The following AFF3 variants were observed in gnomAD, a reference collection of about 807,000 sequenced individuals.
AFF3 encodes the protein AF4/FMR2 family member 3.
AFF3 carries 32 observed loss-of-function variants against 129.7 expected under a neutral mutation model. The observed-to-expected ratio is 0.25, with a 90% CI of 0.19 to 0.33. AFF3 has a LOEUF of 0.33. AFF3 is among the 10% of genes least tolerant of loss of function. The pLI is 1.00. For synonymous variants in AFF3, 644 were observed against 635.4 expected, an observed-to-expected ratio of 1.01 and a Z score of -0.20; for missense variants, 1,373 against 1,592.0, an observed-to-expected ratio of 0.86 and a Z score of 2.34.
At chr2:99,791,470 C>T (rs1034750900) in intron 8 of AFF3, among the ~76,000 whole-genome samples, 4 of 152,228 alleles carry the variant, frequency 2.6e-5, no homozygotes, top group South Asian at 2.1e-4. Context: ...CTGTTCAGTA[C>T]GGATGCACCA....
intron 7 of AFF3, among the ~76,000 whole-genome samples, chr2:100,002,140 C>A (rs536903323): frequency 6.6e-6 from 1 of 152,218 alleles, no homozygotes; most frequent in African/African-American, 2.4e-5. Flanking sequence ...AATCAGATAG[C>A]AAACTTCAAT....
intron 4 of AFF3, among the ~76,000 whole-genome samples, chr2:100,052,752 G>A (rs534552999): frequency 1.3e-5 from 2 of 152,222 alleles, no homozygotes; most frequent in African/African-American, 4.8e-5. Context: ...ATAGAACACT[G>A]CCCAGGCCAC....
chr2:99,954,943 AAG>A (rs1334522871), intron 7 of AFF3, among the ~76,000 whole-genome samples: 2 of 152,018 alleles, frequency 1.3e-5, no homozygotes, highest in Non-Finnish European at 2.9e-5. Flanking sequence ...AAGAAAAAAA[AAG>A]AAAATATTGC....
intron 18 of AFF3, chr2:99,572,599 G>A (rs769253804): frequency 2.2e-6 from 1 of 455,728 alleles, no homozygotes; most frequent in Non-Finnish European, 4.4e-6. Context: ...GATTTTCTTA[G>A]GGAAGTTGAA....
intron 11 of AFF3, among the ~76,000 whole-genome samples, chr2:99,714,752 A>G (rs1678221134): frequency 6.6e-6 from 1 of 152,226 alleles, no homozygotes; most frequent in African/African-American, 2.4e-5. Context: ...CACTTGCATA[A>G]ATGATAGATT....
At chr2:99,975,685 T>C (rs1678805325) in intron 7 of AFF3, among the ~76,000 whole-genome samples, 1 of 151,386 alleles carries the variant, frequency 6.6e-6, no homozygotes, top group South Asian at 2.1e-4. Context: ...GAGTAACACA[T>C]GAGCTTTGAT....
chr2:100,130,004 A>C (rs1692358221), intron 1 of AFF3, among the ~76,000 whole-genome samples: 1 of 152,204 alleles, frequency 6.6e-6, no homozygotes, highest in Admixed American at 6.5e-5. Context: ...CCTGCCTCAT[A>C]GAATTCATAT....
intron 7 of AFF3, among the ~76,000 whole-genome samples, chr2:99,963,943 C>A (rs928118136): frequency 2.7e-5 from 4 of 147,776 alleles, no homozygotes; most frequent in Admixed American, 6.6e-5. Flanking sequence ...ATATACCATA[C>A]AAACAAATAA....
intron 4 of AFF3, among the ~76,000 whole-genome samples, chr2:100,012,609 C>T (rs554513130): frequency 6.6e-6 from 1 of 152,320 alleles, no homozygotes; most frequent in South Asian, 2.1e-4. Flanking sequence ...TGCCGGTGCT[C>T]ACCAGCCTGC....
intron 8 of AFF3, among the ~76,000 whole-genome samples, chr2:99,834,207 C>T (rs1029993373): frequency 5.9e-5 from 9 of 152,130 alleles, no homozygotes; most frequent in African/African-American, 1.9e-4. Flanking sequence ...TAAGTCAGTA[C>T]AATGTTAAGA....
intron 2 of AFF3, among the ~76,000 whole-genome samples, chr2:100,128,859 A>AT (rs1692308040): frequency 6.6e-6 from 1 of 152,194 alleles, no homozygotes; most frequent in Non-Finnish European, 1.5e-5. Flanking sequence ...GATGGTTAGA[A>AT]TAGATGACCT....
At chr2:99,863,243 TG>T (rs991681201) in intron 7 of AFF3, among the ~76,000 whole-genome samples, 1 of 152,224 alleles carries the variant, frequency 6.6e-6, no homozygotes, top group Non-Finnish European at 1.5e-5. Context: ...ATGGGGAAAA[TG>T]TAAAAATTTA....
intron 8 of AFF3, among the ~76,000 whole-genome samples, chr2:99,801,548 A>G (rs1294147195): frequency 2.0e-5 from 3 of 152,180 alleles, no homozygotes; most frequent in African/African-American, 7.2e-5. Context: ...TCCTGAGCAG[A>G]TACTTCCCCA....
intron 7 of AFF3, among the ~76,000 whole-genome samples, chr2:99,871,463 T>A (rs987375484): frequency 6.6e-6 from 1 of 152,058 alleles, no homozygotes; most frequent in African/African-American, 2.4e-5. Flanking sequence ...ATCGCGAAAA[T>A]AGATTAAAAA....
intron 11 of AFF3, among the ~76,000 whole-genome samples, chr2:99,696,496 C>T (rs1197126974): frequency 6.6e-6 from 1 of 152,144 alleles, no homozygotes; most frequent in Non-Finnish European, 1.5e-5. Context: ...TGGTTTTCTA[C>T]GAAGAGAAGA....
chr2:99,954,163 T>C (rs1289631364), intron 7 of AFF3, among the ~76,000 whole-genome samples: 1 of 152,180 alleles, frequency 6.6e-6, no homozygotes, highest in Non-Finnish European at 1.5e-5. Flanking sequence ...GGGTCAGTGA[T>C]GTGTTTTTGT....
intron 8 of AFF3, among the ~76,000 whole-genome samples, chr2:99,827,474 A>G (rs927589666): frequency 6.6e-6 from 1 of 152,060 alleles, no homozygotes; most frequent in African/African-American, 2.4e-5. Context: ...TGTACTTCTG[A>G]TAAGCAAGCC....
intron 8 of AFF3, among the ~76,000 whole-genome samples, chr2:99,830,608 TG>T (rs1169426063): frequency 6.6e-6 from 1 of 151,988 alleles, no homozygotes; most frequent in African/African-American, 2.4e-5. Context: ...AAAAATTAGC[TG>T]GGTGTGGTGG....
chr2:99,879,769 A>G (rs1692566620), intron 7 of AFF3, among the ~76,000 whole-genome samples: 1 of 152,226 alleles, frequency 6.6e-6, no homozygotes, highest in African/African-American at 2.4e-5. Flanking sequence ...CAGAAACCCT[A>G]GTCTTAATGT....
Sources: gnomAD v4.1 joint callset for allele counts (sites outside exome capture counted in the v4.1 genomes callset) on GRCh38, gnomAD v4.1.1 for gene constraint, MANE v1.5 for transcripts, NCBI Gene and HGNC (gene_info 2026-07-23, HGNC 2026-07-21) for gene names.